The following CSMD1 variants were observed in gnomAD, a reference collection of about 807,000 sequenced individuals.
CSMD1 encodes CUB and sushi domain-containing protein 1.
Under a neutral mutation model 417.5 loss-of-function variants are expected in CSMD1, and 213 were observed. The observed-to-expected ratio is 0.51, with a 90% CI of 0.46 to 0.57. CSMD1 has a LOEUF of 0.57. CSMD1 is among the 20% of genes least tolerant of loss of function. The probability of loss-of-function intolerance (pLI) is 0.00; values close to 1 mark genes in which losing one functional copy is unlikely to be tolerated. For synonymous variants in CSMD1, 2,862 were observed against 1,736.8 expected (o/e 1.65, Z -16.11); for missense variants, 6,923 against 4,529.7 (o/e 1.53, Z -15.17).
At chr8:4,163,947 G>C (rs979437304) in intron 3 of CSMD1, among the ~76,000 whole-genome samples, 1 of 152,092 alleles carries the variant, frequency 6.6e-6, no homozygotes. Flanking sequence ...AAGTTTTCCA[G>C]GCTTCTCAAA....
chr8:3,763,512 C>G (rs1360741786), intron 5 of CSMD1, among the ~76,000 whole-genome samples: 1 of 152,126 alleles, frequency 6.6e-6, no homozygotes, highest in Admixed American at 6.5e-5. Context: ...CCCACTCTAC[C>G]TTCTACTGTG....
chr8:4,063,464 T>G (rs1316679592), intron 3 of CSMD1, among the ~76,000 whole-genome samples: 2 of 152,196 alleles, frequency 1.3e-5, no homozygotes, highest in Non-Finnish European at 1.5e-5. Flanking sequence ...GCCTGGCATA[T>G]ACCATGTCTT....
At chr8:3,390,304 A>G (rs894256005) in intron 17 of CSMD1, among the ~76,000 whole-genome samples, 3 of 141,840 alleles carry the variant, frequency 2.1e-5, no homozygotes, top group South Asian at 4.6e-4. Context: ...GCAGTGAGCC[A>G]AGGTTGTGCC....
chr8:4,990,488 T>G (rs1811404851), intron 1 of CSMD1, among the ~76,000 whole-genome samples: 1 of 152,078 alleles, frequency 6.6e-6, no homozygotes, highest in African/African-American at 2.4e-5. Context: ...CTCAGCCTCC[T>G]GAATAGCTGG....
chr8:4,157,854 C>A (rs1272784006), intron 3 of CSMD1, among the ~76,000 whole-genome samples: 1 of 152,162 alleles, frequency 6.6e-6, no homozygotes, highest in Non-Finnish European at 1.5e-5. Flanking sequence ...AAACAGGATG[C>A]TGAAGTTGGG....
chr8:3,241,493 C>T (rs895481744), intron 26 of CSMD1, among the ~76,000 whole-genome samples: 14 of 152,228 alleles, frequency 9.2e-5, no homozygotes, highest in South Asian at 2.1e-4. Flanking sequence ...GCCACTAAGC[C>T]GAGAAGATCT....
chr8:4,798,815 T>C (rs933907819), intron 1 of CSMD1, among the ~76,000 whole-genome samples: 2 of 152,192 alleles, frequency 1.3e-5, no homozygotes, highest in African/African-American at 4.8e-5. Flanking sequence ...AGAAAAATAA[T>C]CATTTTGGCT....
intron 5 of CSMD1, among the ~76,000 whole-genome samples, chr8:3,966,915 A>G (rs1377114369): frequency 6.6e-6 from 1 of 152,232 alleles, no homozygotes; most frequent in Non-Finnish European, 1.5e-5. Context: ...ATGCCGATGA[A>G]TTAAAAGGCT....
At chr8:4,745,534 G>A (rs192418855) in intron 1 of CSMD1, among the ~76,000 whole-genome samples, 161 of 152,122 alleles carry the variant, frequency 1.1e-3, no homozygotes, top group South Asian at 3.1e-3. Flanking sequence ...TCAGGCTTTT[G>A]TTTGTTCATC....
chr8:4,911,608 C>G (rs12545620), intron 1 of CSMD1, among the ~76,000 whole-genome samples: 58,349 of 152,062 alleles, frequency 0.38, 11,720 homozygotes, highest in Non-Finnish European at 0.45. Flanking sequence ...CTGACAGAAG[C>G]GTTTAACTTC....
At chr8:4,952,310 C>T (rs1219766091) in intron 1 of CSMD1, among the ~76,000 whole-genome samples, 1 of 149,556 alleles carries the variant, frequency 6.7e-6, no homozygotes, top group Non-Finnish European at 1.5e-5. Flanking sequence ...GTTAATTAGC[C>T]AACGCTTTTT....
chr8:3,888,211 AC>A (rs769304165), intron 5 of CSMD1, among the ~76,000 whole-genome samples: 1 of 152,108 alleles, frequency 6.6e-6, no homozygotes, highest in Non-Finnish European at 1.5e-5. Flanking sequence ...TCAAATCAAA[AC>A]CTAGACATAA....
At chr8:4,280,408 A>T (rs1200814792) in intron 3 of CSMD1, among the ~76,000 whole-genome samples, 1 of 152,232 alleles carries the variant, frequency 6.6e-6, no homozygotes, top group Non-Finnish European at 1.5e-5. Context: ...AGAATCTGAC[A>T]ATTAAATTTT....
Position 4,100,450 on chromosome 8 carries a change from T to A in CSMD1, c.416-68351A>T, listed in dbSNP as rs142874961. On this transcript the variant is annotated intron_variant, in intron 3 of 69. Coordinates refer to ENST00000635120, the MANE Select transcript of CSMD1 (RefSeq NM_033225.6). The stretch of plus-strand genomic sequence containing the variant: ...CAAAGCAGAATCAAATTCACTATCC[T>A]TTTATCTCCAAATGTTGCTTAACTT... Among the ~76,000 whole-genome samples, 9 of 152,288 alleles carry A rather than the reference T, an allele frequency of 5.9e-5. No homozygotes were observed. In the East Asian group the frequency reaches 1.7e-3, roughly 29 times the overall value.
At chr8:4,623,832 G>A (rs1462063158) in intron 2 of CSMD1, among the ~76,000 whole-genome samples, 4 of 151,986 alleles carry the variant, frequency 2.6e-5, no homozygotes. Flanking sequence ...TGGTGTGCTG[G>A]CAACAAAACT....
intron 10 of CSMD1, among the ~76,000 whole-genome samples, chr8:3,520,746 A>G (rs1252082688): frequency 1.3e-5 from 2 of 151,952 alleles, no homozygotes; most frequent in African/African-American, 4.8e-5. Context: ...TATATCCTAC[A>G]ATGACACTTG....
chr8:4,242,350 C>T (rs1585083498), intron 3 of CSMD1, among the ~76,000 whole-genome samples: 1 of 151,982 alleles, frequency 6.6e-6, no homozygotes, highest in Admixed American at 6.6e-5. Flanking sequence ...TTGCAACCTC[C>T]CTAAGTAATC....
chr8:4,178,042 TA>T (rs1242368329), intron 3 of CSMD1, among the ~76,000 whole-genome samples: 5 of 152,042 alleles, frequency 3.3e-5, no homozygotes, highest in Admixed American at 3.3e-4. Flanking sequence ...ACTATTCCAA[TA>T]AATAGAAAAA....
intron 1 of CSMD1, among the ~76,000 whole-genome samples, chr8:4,918,448 G>A (rs963138963): frequency 6.6e-6 from 1 of 151,742 alleles, no homozygotes; most frequent in South Asian, 2.1e-4. Flanking sequence ...TATCCACCTG[G>A]ACTTCATTAC....
Sources: allele counts gnomAD v4.1 joint callset (sites outside exome capture counted in the v4.1 genomes callset), GRCh38; gene constraint gnomAD v4.1.1; transcripts MANE v1.5; gene names NCBI Gene and HGNC (gene_info 2026-07-23, HGNC 2026-07-21).